Variants in TIAM1 observed in about 807,000 individuals in gnomAD.
TIAM1 encodes the protein TIAM Rac1 associated GEF 1, also known as rho guanine nucleotide exchange factor TIAM1.
Under a neutral mutation model 163.5 loss-of-function variants are expected in TIAM1, and 65 were observed. The ratio of observed to expected loss-of-function variants is 0.40; its 90% CI spans 0.33 to 0.49. The LOEUF (loss-of-function observed/expected upper bound fraction) is 0.49, where lower values mean the gene tolerates loss of function less well. TIAM1 is among the 20% of genes least tolerant of loss of function. The probability of loss-of-function intolerance (pLI) is 0.77; values close to 1 mark genes in which losing one functional copy is unlikely to be tolerated. For missense variants in TIAM1, 1,789 were observed against 2,044.7 expected, an observed-to-expected ratio of 0.87 and a Z score of 2.41; for synonymous variants, 833 against 810.1, an observed-to-expected ratio of 1.03 and a Z score of -0.48.
intron 15 of TIAM1, among the ~76,000 whole-genome samples, chr21:31,181,981 G>A (rs553143779): frequency 3.9e-4 from 58 of 147,718 alleles, no homozygotes; most frequent in Admixed American, 6.8e-4. Flanking sequence ...ATAGAGTCTC[G>A]TTATGTTGCC....
At chr21:31,466,438 T>C (rs957720851) in intron 1 of TIAM1, among the ~76,000 whole-genome samples, 2 of 150,824 alleles carry the variant, frequency 1.3e-5, no homozygotes, top group African/African-American at 4.9e-5. Context: ...ATCTAGCAGC[T>C]CTCTAACTTT....
intron 2 of TIAM1, among the ~76,000 whole-genome samples, chr21:31,350,660 T>C (rs1348790528): frequency 6.6e-6 from 1 of 152,142 alleles, no homozygotes; most frequent in Non-Finnish European, 1.5e-5. Context: ...TGCTCCTGCT[T>C]CTCTTTCTGC....
chr21:31,299,323 G>A (rs549665890), intron 2 of TIAM1, among the ~76,000 whole-genome samples: 4 of 152,172 alleles, frequency 2.6e-5, no homozygotes, highest in East Asian at 1.9e-4. Context: ...ATGCTACCAC[G>A]TCACCACCTT....
At chr21:31,130,577 A>G (rs764077604) in intron 24 of TIAM1, among the ~76,000 whole-genome samples, 1 of 152,148 alleles carries the variant, frequency 6.6e-6, no homozygotes, top group Non-Finnish European at 1.5e-5. Flanking sequence ...AAGGATCCCA[A>G]AAGAAGAACA....
chr21:31,493,524 T>C (rs2046543969), intron 1 of TIAM1, among the ~76,000 whole-genome samples: 1 of 152,092 alleles, frequency 6.6e-6, no homozygotes. Context: ...CAGAAAACTT[T>C]AACAAGAATT....
At chr21:31,289,563 A>G (rs1345449699) in intron 2 of TIAM1, among the ~76,000 whole-genome samples, 1 of 152,220 alleles carries the variant, frequency 6.6e-6, no homozygotes, top group African/African-American at 2.4e-5. Flanking sequence ...CCGGTGCAAG[A>G]TATTTTGGCT....
intron 2 of TIAM1, among the ~76,000 whole-genome samples, chr21:31,428,894 A>T (rs1333683144): frequency 2.6e-5 from 4 of 151,900 alleles, no homozygotes; most frequent in African/African-American, 9.7e-5. Flanking sequence ...AAAAAAAAAA[A>T]AAGTAAAAGT....
chr21:31,189,430 A>G (rs2284476), intron 13 of TIAM1, among the ~76,000 whole-genome samples: 6,451 of 152,144 alleles, frequency 0.042, 377 homozygotes, highest in African/African-American at 0.14. Context: ...GAGGACTGCA[A>G]TTGATTATGT....
chr21:31,461,925 C>T (rs2147350921), intron 2 of TIAM1, among the ~76,000 whole-genome samples: 1 of 152,334 alleles, frequency 6.6e-6, no homozygotes, highest in Middle Eastern at 3.4e-3. Flanking sequence ...CCTCAGCCTC[C>T]CAAAGTGCCG....
rs540999392 is a variant in TIAM1 at position 31,468,784 on chromosome 21, C to T, written c.-421-4749G>A. Among the ~76,000 whole-genome samples, 51 of 151,770 alleles carry T rather than the reference C, an allele frequency of 3.4e-4. 1 individual carries two copies. In the East Asian group the frequency reaches 9.5e-3, roughly 28 times the overall value. On this transcript the variant is annotated intron_variant, in intron 1 of 28. Coordinates refer to the TIAM1 transcript ENST00000286827. ...GAGCGAGACTCCATCTCAAAAAAAA[C>T]GAACCTAGAAGGGCGACGTGCTAAA... is the stretch of plus-strand genomic sequence containing the variant.
intron 12 of TIAM1, among the ~76,000 whole-genome samples, chr21:31,198,558 T>C (rs567669972): frequency 6.6e-6 from 1 of 152,340 alleles, no homozygotes; most frequent in East Asian, 1.9e-4. Flanking sequence ...TCAATAAGGT[T>C]TACAATGTAT....
rs570267798 is a variant in TIAM1, at chr21:31,315,843, G to A, written c.-189+23400C>T. On this transcript the variant is annotated intron_variant, in intron 2 of 27. Coordinates refer to ENST00000541036, the MANE Select transcript of TIAM1 (RefSeq NM_001353694.2). ...AAAAATACAAAAAGGCGGGTGTGGT[G>A]GTGCACGCCTGTAATCCCAGCTATT... Among the ~76,000 whole-genome samples, 186 of 151,998 alleles carry A rather than the reference G, an allele frequency of 1.2e-3. 1 individual carries two copies. Among genetic ancestry groups the A allele is most frequent in the Non-Finnish European group, 1.9e-3 (132 of 67,972 alleles).
chr21:31,365,959 G>T (rs1392617732), intron 2 of TIAM1, among the ~76,000 whole-genome samples: 1 of 151,402 alleles, frequency 6.6e-6, no homozygotes, highest in East Asian at 2.0e-4. Flanking sequence ...AAAATTAGCT[G>T]CACCTATAGT....
chr21:31,126,588 A>G (rs2082209053), intron 26 of TIAM1, among the ~76,000 whole-genome samples: 1 of 151,826 alleles, frequency 6.6e-6, no homozygotes, highest in Non-Finnish European at 1.5e-5. Flanking sequence ...AAATAAATAT[A>G]TATATAAATA....
intron 2 of TIAM1, among the ~76,000 whole-genome samples, chr21:31,360,067 G>A (rs2147133384): frequency 6.6e-6 from 1 of 152,200 alleles, no homozygotes; most frequent in East Asian, 1.9e-4. Flanking sequence ...GCCAAAGGCA[G>A]AGAGAAAAAC....
At chr21:31,508,187 C>A (rs1185355414) in intron 1 of TIAM1, among the ~76,000 whole-genome samples, 2 of 150,526 alleles carry the variant, frequency 1.3e-5, no homozygotes, top group African/African-American at 5.0e-5. Flanking sequence ...ACACCTCAGT[C>A]GTGGACTTCG....
intron 15 of TIAM1, among the ~76,000 whole-genome samples, chr21:31,170,156 T>C (rs2084434382): frequency 6.6e-6 from 1 of 152,142 alleles, no homozygotes; most frequent in South Asian, 2.1e-4. Context: ...AGCTGCATGC[T>C]ATATGGAAGT....
intron 2 of TIAM1, among the ~76,000 whole-genome samples, chr21:31,278,961 G>C (rs528807548): frequency 1.3e-5 from 2 of 152,228 alleles, no homozygotes; most frequent in African/African-American, 4.8e-5. Flanking sequence ...CCAATAATTT[G>C]CAAGGCTGGA....
intron 2 of TIAM1, among the ~76,000 whole-genome samples, chr21:31,390,271 T>C (rs1306568896): frequency 6.6e-6 from 1 of 152,332 alleles, no homozygotes; most frequent in Non-Finnish European, 1.5e-5. Context: ...ACTCCAACTT[T>C]CTTGTTTTTC....
Sources: allele counts gnomAD v4.1 joint callset (sites outside exome capture counted in the v4.1 genomes callset), GRCh38; gene constraint gnomAD v4.1.1; transcripts MANE v1.5; gene names NCBI Gene and HGNC (gene_info 2026-07-23, HGNC 2026-07-21).